CBLB: variants seen among roughly 807,000 people sequenced by gnomAD.
CBLB encodes E3 ubiquitin-protein ligase CBL-B.
In CBLB, 31 loss-of-function variants were observed where a neutral mutation model predicts 104.9. The ratio of observed to expected loss-of-function variants is 0.30; its 90% CI spans 0.22 to 0.40. The LOEUF is 0.40. CBLB is among the 10% of genes least tolerant of loss of function. CBLB has a pLI of 1.00. For missense variants in CBLB, 1,062 were observed against 1,214.6 expected (o/e 0.87, Z 1.87); for synonymous variants, 440 against 422.6 (o/e 1.04, Z -0.51).
At chr3:105,737,934 A>G (rs1428638960) in intron 7 of CBLB, among the ~76,000 whole-genome samples, 1 of 152,232 alleles carries the variant, frequency 6.6e-6, no homozygotes, top group East Asian at 1.9e-4. Flanking sequence ...TTATCAGGGA[A>G]AACTGAAATC....
At chr3:105,830,364 C>T (rs2087303025) in intron 3 of CBLB, among the ~76,000 whole-genome samples, 1 of 152,094 alleles carries the variant, frequency 6.6e-6, no homozygotes, top group African/African-American at 2.4e-5. Context: ...AAGACTTTTC[C>T]TTTGTTGTAT....
At chr3:105,860,086 T>G (rs1432955294) in intron 2 of CBLB, among the ~76,000 whole-genome samples, 1 of 152,214 alleles carries the variant, frequency 6.6e-6, no homozygotes, top group Non-Finnish European at 1.5e-5. Context: ...CAATTGTGTA[T>G]TCTGTTCACT....
chr3:105,793,593 T>C (rs989023040), intron 3 of CBLB, among the ~76,000 whole-genome samples: 3 of 151,996 alleles, frequency 2.0e-5, no homozygotes, highest in Non-Finnish European at 2.9e-5. Context: ...ATTAATATTT[T>C]CACACAAGAA....
rs775386745 is a variant in CBLB, at chr3:105,775,595, G to T, written c.566+801C>A. Among the ~76,000 whole-genome samples, 5 of 152,210 alleles carry T rather than the reference G, an allele frequency of 3.3e-5. No homozygotes were observed. In the East Asian group the frequency reaches 9.7e-4, roughly 29 times the overall value. The stretch of plus-strand genomic sequence containing the variant: ...ACATTCTAGGACATTCTGAGGACGC[G>T]CTCTCATTAAAGGTAATTCTTAAAA... On this transcript the variant is annotated intron_variant, in intron 4 of 18. Transcript: ENST00000394030.
chr3:105,824,401 G>A (rs1259015003), intron 3 of CBLB, among the ~76,000 whole-genome samples: 1 of 152,092 alleles, frequency 6.6e-6, no homozygotes, highest in Non-Finnish European at 1.5e-5. Context: ...CTACAGGCTA[G>A]TTTTTTGCCA....
At chr3:105,790,342 C>T (rs542965385) in intron 3 of CBLB, among the ~76,000 whole-genome samples, 147 of 152,340 alleles carry the variant, frequency 9.6e-4, no homozygotes, top group Non-Finnish European at 1.7e-3. Context: ...TTTTCTTACA[C>T]ATCTTACTCA....
chr3:105,750,810 G>C (rs2076531109), intron 5 of CBLB, among the ~76,000 whole-genome samples: 1 of 152,188 alleles, frequency 6.6e-6, no homozygotes, highest in African/African-American at 2.4e-5. Flanking sequence ...TCATCTTAAA[G>C]TTGTTTACAT....
intron 17 of CBLB, chr3:105,672,163 C>T (rs1442722051): frequency 1.6e-5 from 3 of 191,596 alleles, no homozygotes; most frequent in African/African-American, 2.3e-5. Context: ...GTCAAATACA[C>T]TTAATGCTAT....
intron 3 of CBLB, among the ~76,000 whole-genome samples, chr3:105,825,885 C>G (rs536641554): frequency 6.6e-6 from 1 of 152,140 alleles, no homozygotes; most frequent in Non-Finnish European, 1.5e-5. Context: ...AGATCGACCC[C>G]AATTTTTATA....
chr3:105,708,246 A>C (rs1348580711), intron 10 of CBLB, among the ~76,000 whole-genome samples: 11 of 152,134 alleles, frequency 7.2e-5, no homozygotes. Flanking sequence ...CAATAATAAC[A>C]AACAAACATA....
At chr3:105,830,216 CCTA>C (rs1427079230) in intron 3 of CBLB, among the ~76,000 whole-genome samples, 1 of 150,992 alleles carries the variant, frequency 6.6e-6, no homozygotes, top group Non-Finnish European at 1.5e-5. Context: ...ATGAGAAAAG[CCTA>C]CTATTAATAA....
chr3:105,869,046 TCGGGGCGGGGCGGGG>T, upstream of CBLB: 1 of 344,758 alleles, frequency 2.9e-6, no homozygotes, highest in Non-Finnish European at 4.8e-6. Flanking sequence ...GGACCCAGGC[TCGGGGCGGGGCGGGG>T]CGGGGGCGGG....
At chr3:105,867,349 C>G in intron 2 of CBLB, 61 bp downstream of exon 2, 1 of 1,439,480 alleles carries the variant, frequency 6.9e-7, no homozygotes, top group Non-Finnish European at 9.8e-7. Flanking sequence ...ATAAATAAAT[C>G]TGGAGAAACC....
chr3:105,787,646 G>C (rs2081179806), intron 3 of CBLB, among the ~76,000 whole-genome samples: 1 of 152,168 alleles, frequency 6.6e-6, no homozygotes, highest in Non-Finnish European at 1.5e-5. Flanking sequence ...TCAACTTACA[G>C]ACTTTCCTCA....
chr3:105,854,505 A>C (rs945894319), intron 2 of CBLB, among the ~76,000 whole-genome samples: 14 of 152,178 alleles, frequency 9.2e-5, no homozygotes, highest in African/African-American at 3.4e-4. Context: ...AGCATTATAT[A>C]GTGTAATGGG....
At chr3:105,703,942 T>A (rs772610781) in intron 11 of CBLB, 46 bp downstream of exon 11, 1 of 1,545,910 alleles carries the variant, frequency 6.5e-7, no homozygotes, top group Non-Finnish European at 8.9e-7. Flanking sequence ...CAATCAATAA[T>A]TGTCTTACAA....
chr3:105,840,954 T>A (rs1010410665), intron 3 of CBLB, among the ~76,000 whole-genome samples: 2 of 151,972 alleles, frequency 1.3e-5, no homozygotes, highest in African/African-American at 4.8e-5. Context: ...TGTAAAACTG[T>A]TCCTTCTTTA....
At chr3:105,848,436 T>C (rs1258800650) in intron 3 of CBLB, among the ~76,000 whole-genome samples, 1 of 152,120 alleles carries the variant, frequency 6.6e-6, no homozygotes, top group Admixed American at 6.6e-5. Flanking sequence ...TTGAATGCCA[T>C]TTACTTCTTT....
intron 3 of CBLB, among the ~76,000 whole-genome samples, chr3:105,806,289 CTGTA>C (rs1577360473): frequency 3.9e-5 from 6 of 152,104 alleles, no homozygotes; most frequent in Non-Finnish European, 7.4e-5. Flanking sequence ...GAATACACTT[CTGTA>C]CATACTCATG....
Sources: gnomAD v4.1 joint callset for allele counts (sites outside exome capture counted in the v4.1 genomes callset) on GRCh38, gnomAD v4.1.1 for gene constraint, MANE v1.5 for transcripts, NCBI Gene and HGNC (gene_info 2026-07-23, HGNC 2026-07-21) for gene names.